The following NMT1 variants were observed in gnomAD, a reference collection of about 807,000 sequenced individuals.
The protein encoded by NMT1 is glycylpeptide N-tetradecanoyltransferase 1.
Under a neutral mutation model 63.4 loss-of-function variants are expected in NMT1, and 12 were observed. That is an observed-to-expected ratio of 0.19 (90% CI 0.12 to 0.31). The LOEUF is 0.31. Among genes scored for constraint, NMT1 ranks in the 10% least tolerant of loss-of-function variants. The pLI is 1.00. For missense variants in NMT1, 432 were observed against 634.6 expected, an observed-to-expected ratio of 0.68 and a Z score of 3.43; for synonymous variants, 228 against 234.3, an observed-to-expected ratio of 0.97 and a Z score of 0.25.
chr17:45,096,094 A>G, intron 4 of NMT1, 100 bp from the exon 5 acceptor site: 3 of 866,884 alleles, frequency 3.5e-6, no homozygotes, highest in African/African-American at 1.7e-5. Context: ...CGTTTTTGGT[A>G]GTTTGCTTCA....
At chr17:45,078,291 A>C (rs948400859) in intron 1 of NMT1, among the ~76,000 whole-genome samples, 1 of 152,224 alleles carries the variant, frequency 6.6e-6, no homozygotes. Flanking sequence ...TCCCACAGCT[A>C]TATAGAGTTC....
rs2054222084 is a variant in NMT1, at chr17:45,108,933, G to A, written c.*3294G>A. The A allele has an allele frequency of 6.6e-6, 1 of 152,658 alleles. No individual in the cohort carries two copies. Among genetic ancestry groups the A allele is most frequent in the Admixed American group, 6.5e-5 (1 of 15,288 alleles). The allele number at this position is 152,658 out of a possible 1,614,324, so 9.5% of individuals were successfully genotyped here. ...GGCTGTGGGGGGGCATCCATTTCCA[G>A]GGTCGGGGAGGAAATACCAAATGCA... On this transcript the variant is annotated 3_prime_UTR_variant, in exon 12 of 12. Transcript: ENST00000258960.
At position 45,098,403 on chromosome 17, in the gene NMT1, C is replaced by CA; in HGVS notation, c.737dup (p.Asn246LysfsTer63). ...TTAGAGAGAAGAAGATGGTAGAGAT[C>CA]AACTTCCTGTGTGTCCACAAGAAGC... On this transcript the variant is annotated frameshift_variant, in exon 7 of 12. Coordinates refer to ENST00000258960, the MANE Select transcript of NMT1 (RefSeq NM_021079.5). LOFTEE classifies it high-confidence loss of function. The CA allele has an allele frequency of 6.2e-7, 1 of 1,614,082 alleles. No individual in the cohort carries two copies. The highest frequency in any genetic ancestry group is 8.5e-7 in the Non-Finnish European group (1 of 1,179,982).
intron 8 of NMT1, among the ~76,000 whole-genome samples, chr17:45,101,167 G>C (rs867848933): frequency 6.6e-6 from 1 of 151,628 alleles, no homozygotes. Context: ...CTGGCCCACA[G>C]AGCGAGACTC....
At position 45,086,514 on chromosome 17, in the gene NMT1, T is replaced by C; in HGVS notation, c.247T>C (p.Ser83Pro). Residue 83 changes from serine (S) to proline (P), a missense_variant, in exon 3 of 12, where the codon TCT (serine) becomes CCT (proline). Transcript: ENST00000258960. ...SAQDQPVKMN[S>P]LPAERIQEIQ... ...CCAACTTTGTCTTGTCCAGATGAAC[T>C]CTTTGCCAGCAGAGAGGATCCAGGA... 1 of 1,608,346 alleles carries C rather than the reference T, an allele frequency of 6.2e-7. No homozygotes were observed. Among genetic ancestry groups the C allele is most frequent in the Non-Finnish European group, 8.5e-7 (1 of 1,178,110 alleles).
At chr17:45,067,359 G>T (rs2053909453) in intron 1 of NMT1, among the ~76,000 whole-genome samples, 1 of 152,142 alleles carries the variant, frequency 6.6e-6, no homozygotes, top group Non-Finnish European at 1.5e-5. Flanking sequence ...GTGTCATTGA[G>T]ATCCTGGTAA....
At chr17:45,095,633 A>G (rs1012545719) in intron 4 of NMT1, among the ~76,000 whole-genome samples, 5 of 152,158 alleles carry the variant, frequency 3.3e-5, no homozygotes, top group Admixed American at 3.3e-4. Flanking sequence ...TTAGCCGGAC[A>G]TGGTAGTATG....
At chr17:45,072,234 A>G (rs2143460861) in intron 1 of NMT1, among the ~76,000 whole-genome samples, 1 of 151,014 alleles carries the variant, frequency 6.6e-6, no homozygotes, top group East Asian at 2.0e-4. Context: ...CCTGGGTAAC[A>G]GAGTAAGAAA....
chr17:45,065,789 G>T (rs951000911), intron 1 of NMT1, among the ~76,000 whole-genome samples: 1 of 151,728 alleles, frequency 6.6e-6, no homozygotes, highest in Non-Finnish European at 1.5e-5. Context: ...AATTGACAGA[G>T]AAGTTTTCCT....
intron 1 of NMT1, among the ~76,000 whole-genome samples, chr17:45,069,851 C>T (rs918686808): frequency 6.6e-6 from 1 of 151,474 alleles, no homozygotes; most frequent in East Asian, 1.9e-4. Flanking sequence ...CCACTGCACT[C>T]CAGCCTGGCA....
At chr17:45,093,415 A>T (rs1399987098) in intron 3 of NMT1, among the ~76,000 whole-genome samples, 3 of 152,268 alleles carry the variant, frequency 2.0e-5, no homozygotes, top group Non-Finnish European at 4.4e-5. Context: ...AATGTTTGTC[A>T]TTCAGTGACC....
chr17:45,105,300 GC>G lies in NMT1; in HGVS notation c.1470+305del, dbSNP rs2054195370. On this transcript the variant is annotated intron_variant, in intron 11 of 11. Transcript: ENST00000258960. The surrounding 1 kb of genome is among the most constrained non-coding windows in gnomAD (Gnocchi z 4.2). ...GCCCACGGTTTGCCAGGAGGGTAGG[GC>G]TGGGGGAACTCTGAGGAGGTTTCCT... is the stretch of plus-strand genomic sequence containing the variant. 6.6e-6 allele frequency among the ~76,000 whole-genome samples: 1 copy of G among 152,172 alleles called. No homozygotes were observed. The highest frequency in any genetic ancestry group is 2.4e-5 in the African/African-American group (1 of 41,444).
At chr17:45,099,553 G>C in intron 8 of NMT1, 40 bp downstream of exon 8, 1 of 1,432,716 alleles carries the variant, frequency 7.0e-7, no homozygotes, top group South Asian at 1.1e-5. Flanking sequence ...GGCAGAGAGA[G>C]GGCAAGGAGA....
Position 45,105,505 on chromosome 17 carries a change from C to T in NMT1, c.1471-114C>T. 1.7e-6 allele frequency: 2 copies of T among 1,168,918 alleles called. No homozygotes were observed. The highest frequency in any genetic ancestry group is 1.9e-5 in the Admixed American group (1 of 52,828). 72.4% of individuals were successfully genotyped at this position (1,168,918 alleles called of 1,614,324 possible). A position where few individuals can be genotyped will look rare whatever the true frequency, so the allele number is the denominator to read the frequency against. On this transcript the variant is annotated intron_variant, in intron 11 of 11. Transcript: ENST00000258960. This position sits in a 1 kb window ranked among gnomAD's most constrained non-coding sequence, Gnocchi z 4.2. ...CCGGCTGGGTGTGAGTCTGCTCCCA[C>T]AGCACAGGCGGTGGACCCGGGCCCA...
intron 8 of NMT1, among the ~76,000 whole-genome samples, chr17:45,101,914 C>G (rs2054169152): frequency 6.6e-6 from 1 of 152,202 alleles, no homozygotes. Flanking sequence ...GTTCTCATGA[C>G]AGATCTGCCT....
chr17:45,091,235 C>CACACACACACACACACGT (rs1567868451), intron 3 of NMT1, among the ~76,000 whole-genome samples: 1 of 145,626 alleles, frequency 6.9e-6, no homozygotes, highest in Admixed American at 6.9e-5. Flanking sequence ...CACACACACA[C>CACACACACACACACACGT]ACGTCCCATA....
Position 45,099,431 on chromosome 17 carries a change from G to A in NMT1, c.911G>A (p.Arg304Gln). Residue 304 changes from arginine to glutamine, a missense_variant, in exon 8 of 12, where the codon CGG becomes CAG. Around this residue, in one of 4 missense-constraint regions of NMT1, gnomAD observed 295 missense variants for 489.7 expected, o/e 0.60. Transcript: ENST00000258960. ...CRYWHRSLNP[R>Q]KLIEVKFSHL... is the part of the protein sequence containing the mutation. ...TATTGGCATCGGTCCCTAAACCCAC[G>A]GAAGCTGATTGAAGTGAAGTTCTCC... is the stretch of plus-strand genomic sequence containing the variant. The A allele has an allele frequency of 3.1e-6, 5 of 1,613,882 alleles. No homozygotes were observed. The highest frequency in any genetic ancestry group is 2.5e-6 in the Non-Finnish European group (3 of 1,179,736).
chr17:45,063,081 T>C (rs2053878123), intron 1 of NMT1, among the ~76,000 whole-genome samples: 1 of 151,922 alleles, frequency 6.6e-6, no homozygotes, highest in African/African-American at 2.4e-5. Context: ...GGCGGGCGCC[T>C]GTAGTCCCAA....
intron 8 of NMT1, among the ~76,000 whole-genome samples, chr17:45,100,943 A>G (rs1464396626): frequency 7.3e-6 from 1 of 137,226 alleles, no homozygotes; most frequent in Non-Finnish European, 1.5e-5. Context: ...GCACTTTGGG[A>G]GGCCTAGGCG....
Sources: allele counts gnomAD v4.1 joint callset (sites outside exome capture counted in the v4.1 genomes callset), GRCh38; gene constraint gnomAD v4.1.1; regional missense constraint gnomAD v4.1.1; non-coding constraint Gnocchi (gnomAD v3.1); transcripts MANE v1.5; gene names NCBI Gene and HGNC (gene_info 2026-07-23, HGNC 2026-07-21).